Variants in ARMH3 observed in about 807,000 individuals in gnomAD.
ARMH3 encodes armadillo-like helical domain-containing protein 3.
ARMH3 carries 60 observed loss-of-function variants against 99.1 expected under a neutral mutation model. The ratio of observed to expected loss-of-function variants is 0.61; its 90% CI spans 0.49 to 0.75. The LOEUF (loss-of-function observed/expected upper bound fraction) is 0.75. ARMH3 is among the 30% of genes least tolerant of loss of function. The pLI is 0.00. For synonymous variants in ARMH3, 285 were observed against 292.8 expected, an observed-to-expected ratio of 0.97 and a Z score of 0.27; for missense variants, 679 against 843.1, an observed-to-expected ratio of 0.81 and a Z score of 2.41.
chr10:102,014,150 C>G (rs1055364230), intron 8 of ARMH3, 126 bp from the exon 9 acceptor site: 2 of 678,016 alleles, frequency 2.9e-6, no homozygotes, highest in Non-Finnish European at 5.0e-6. Context: ...TCCTGATACA[C>G]AGTCCCAATC....
chr10:101,924,322 G>T (rs1249407640), intron 23 of ARMH3, among the ~76,000 whole-genome samples: 1 of 151,254 alleles, frequency 6.6e-6, no homozygotes, highest in African/African-American at 2.4e-5. Flanking sequence ...TGAGATTTTA[G>T]ATAATTTTAT....
chr10:101,940,432 T>C (rs557710634), intron 22 of ARMH3, among the ~76,000 whole-genome samples: 7 of 152,212 alleles, frequency 4.6e-5, no homozygotes, highest in Admixed American at 4.6e-4. Context: ...AGGATGGTCA[T>C]GTGTCAATCA....
At chr10:101,966,684 G>A (rs1845559125) in intron 20 of ARMH3, among the ~76,000 whole-genome samples, 1 of 152,146 alleles carries the variant, frequency 6.6e-6, no homozygotes, top group Non-Finnish European at 1.5e-5. Flanking sequence ...AATACACAAT[G>A]AGAACTTTCC....
intron 24 of ARMH3, among the ~76,000 whole-genome samples, chr10:101,871,611 G>C (rs780899320): frequency 2.0e-4 from 30 of 152,126 alleles, no homozygotes; most frequent in Non-Finnish European, 3.1e-4. Flanking sequence ...TATTTGGCGG[G>C]GGGGAAAGAA....
chr10:101,915,239 GC>G lies in ARMH3; in HGVS notation c.1781+24623del, dbSNP rs375336913. ...TTAACAGATGGGGTCTTGGTTGAGG[GC>G]CCCAGCAGCCTCTTCAGGTCCAGTG... is the stretch of plus-strand genomic sequence containing the variant. On this transcript the variant is annotated intron_variant, in intron 23 of 25. Coordinates refer to ENST00000370033, the MANE Select transcript of ARMH3 (RefSeq NM_024541.3). 1.1e-4 allele frequency among the ~76,000 whole-genome samples: 17 copies of G among 152,230 alleles called. No individual in the cohort carries two copies. The East Asian group carries it at 2.5e-3, about 22-fold the overall frequency.
intron 24 of ARMH3, among the ~76,000 whole-genome samples, chr10:101,853,500 GC>G (rs1364208566): frequency 2.6e-5 from 4 of 152,216 alleles, no homozygotes; most frequent in African/African-American, 9.6e-5. Flanking sequence ...ATCTCCCAGA[GC>G]CTCTGCCTAA....
At chr10:102,038,415 T>A (rs979238630) in intron 2 of ARMH3, among the ~76,000 whole-genome samples, 1 of 152,186 alleles carries the variant, frequency 6.6e-6, no homozygotes, top group East Asian at 1.9e-4. Context: ...AATAGGATCC[T>A]AGCACCTACT....
rs147788593 is a variant in ARMH3 at position 102,006,055 on chromosome 10, C to T, written c.1048+485G>A. Among the ~76,000 whole-genome samples, 29 of 152,354 alleles carry T rather than the reference C, an allele frequency of 1.9e-4. 1 individual carries two copies. The East Asian group carries it at 5.4e-3, about 28-fold the overall frequency. On this transcript the variant is annotated intron_variant, in intron 14 of 25. Transcript: ENST00000370033. ...AACAAAATAGACAAGATCCTGCTTACATGTTTGGGTTCTCAGTCTCTACTC... is the reference window on the plus strand; with the variant it reads ...AACAAAATAGACAAGATCCTGCTTATATGTTTGGGTTCTCAGTCTCTACTC...
intron 22 of ARMH3, among the ~76,000 whole-genome samples, chr10:101,948,223 T>C (rs1390570735): frequency 3.3e-5 from 5 of 152,034 alleles, no homozygotes; most frequent in African/African-American, 1.2e-4. Flanking sequence ...TATAAAAATA[T>C]AGCTAACAGG....
At chr10:102,039,482 CA>C (rs1392876318) in intron 2 of ARMH3, among the ~76,000 whole-genome samples, 1 of 152,188 alleles carries the variant, frequency 6.6e-6, no homozygotes, top group Non-Finnish European at 1.5e-5. Flanking sequence ...TTGGACCAAT[CA>C]GTTCTGAAGA....
intron 1 of ARMH3, among the ~76,000 whole-genome samples, chr10:102,041,137 A>C (rs923756371): frequency 6.8e-6 from 1 of 147,408 alleles, no homozygotes; most frequent in Non-Finnish European, 1.5e-5. Context: ...ATTGCAGATC[A>C]AACTCCAAGG....
chr10:101,847,694 C>T, intron 25 of ARMH3, 74 bp from the exon 26 acceptor site: 1 of 1,363,904 alleles, frequency 7.3e-7, no homozygotes, highest in Non-Finnish European at 1.0e-6. Flanking sequence ...TTCTAAACGG[C>T]AGAGGACAGT....
At chr10:101,968,252 G>A (rs1185844020) in intron 20 of ARMH3, among the ~76,000 whole-genome samples, 1 of 151,908 alleles carries the variant, frequency 6.6e-6, no homozygotes, top group East Asian at 1.9e-4. Flanking sequence ...CTTCTTCTAG[G>A]GCCCTATACC....
At chr10:101,951,930 G>A (rs771910176) in intron 22 of ARMH3, among the ~76,000 whole-genome samples, 4 of 150,654 alleles carry the variant, frequency 2.7e-5, no homozygotes, top group Admixed American at 6.6e-5. Flanking sequence ...GGAGGGGGGC[G>A]GAGGATGAGG....
chr10:101,869,515 G>T (rs995049767), intron 24 of ARMH3, among the ~76,000 whole-genome samples: 3 of 152,042 alleles, frequency 2.0e-5, no homozygotes, highest in Non-Finnish European at 2.9e-5. Context: ...TATCACCAGA[G>T]AAATGAGAAA....
chr10:102,044,279 G>A (rs1295912453), intron 1 of ARMH3, among the ~76,000 whole-genome samples: 1 of 151,524 alleles, frequency 6.6e-6, no homozygotes, highest in East Asian at 1.9e-4. Flanking sequence ...GTTTCACCAT[G>A]TTAGCCAGGA....
intron 24 of ARMH3, among the ~76,000 whole-genome samples, chr10:101,854,142 G>A (rs1019687611): frequency 6.6e-6 from 1 of 152,042 alleles, no homozygotes; most frequent in African/African-American, 2.4e-5. Context: ...TAACTGAGCT[G>A]GGAGTCCTAC....
chr10:101,872,289 A>G (rs924846133), intron 24 of ARMH3, among the ~76,000 whole-genome samples: 3 of 151,680 alleles, frequency 2.0e-5, no homozygotes, highest in African/African-American at 7.3e-5. Flanking sequence ...ACCTGCATCA[A>G]AAATATATAA....
intron 23 of ARMH3, among the ~76,000 whole-genome samples, chr10:101,891,184 G>A (rs943278797): frequency 6.6e-6 from 1 of 150,564 alleles, no homozygotes; most frequent in Non-Finnish European, 1.5e-5. Flanking sequence ...CTGACTGGTA[G>A]TTTCTTTCTT....
Sources: allele counts gnomAD v4.1 joint callset (sites outside exome capture counted in the v4.1 genomes callset), GRCh38; gene constraint gnomAD v4.1.1; transcripts MANE v1.5; gene names NCBI Gene and HGNC (gene_info 2026-07-23, HGNC 2026-07-21).